Variants in FBXO3 observed in about 807,000 individuals in gnomAD.
FBXO3 encodes the protein F-box protein 3.
Under a neutral mutation model 64.8 loss-of-function variants are expected in FBXO3, and 17 were observed. The observed-to-expected ratio is 0.26, with a 90% CI of 0.18 to 0.39. The LOEUF (loss-of-function observed/expected upper bound fraction) is 0.39. Among genes scored for constraint, FBXO3 ranks in the 10% least tolerant of loss-of-function variants. The probability of loss-of-function intolerance (pLI) is 1.00; values close to 1 mark genes in which losing one functional copy is unlikely to be tolerated. For synonymous variants in FBXO3, 182 were observed against 201.6 expected, an observed-to-expected ratio of 0.90 and a Z score of 0.82; for missense variants, 420 against 589.9, an observed-to-expected ratio of 0.71 and a Z score of 2.98.
intron 10 of FBXO3, chr11:33,746,022 G>C (rs1590561086): frequency 1.3e-5 from 2 of 152,070 alleles, no homozygotes; most frequent in Non-Finnish European, 2.9e-5. Flanking sequence ...CATTTAGATG[G>C]AATGGACAAA....
chr11:33,763,011 ATGAAG>A (rs1406621271), intron 3 of FBXO3, among the ~76,000 whole-genome samples: 1 of 152,212 alleles, frequency 6.6e-6, no homozygotes, highest in Non-Finnish European at 1.5e-5. Flanking sequence ...TTGAAAATAG[ATGAAG>A]TGGACAATTT....
At chr11:33,770,704 G>C (rs1245972845) in intron 2 of FBXO3, 37 bp downstream of exon 2, 2 of 1,516,286 alleles carry the variant, frequency 1.3e-6, no homozygotes, top group South Asian at 2.3e-5. Context: ...GAAGCCAAGG[G>C]CCAGTTTTCA....
intron 6 of FBXO3, chr11:33,754,044 G>A (rs567512391): frequency 6.4e-6 from 1 of 155,204 alleles, no homozygotes; most frequent in South Asian, 2.0e-4. Flanking sequence ...GGTCTCTAAT[G>A]TGACTTAGTA....
intron 1 of FBXO3, 33 bp downstream of exon 1, chr11:33,774,361 C>A: frequency 2.6e-6 from 4 of 1,538,996 alleles, no homozygotes; most frequent in Non-Finnish European, 3.5e-6. Flanking sequence ...TCTCCCCATG[C>A]CCCCACCCCT....
chr11:33,769,985 GT>G (rs1417584353), intron 2 of FBXO3, among the ~76,000 whole-genome samples: 2 of 151,090 alleles, frequency 1.3e-5, no homozygotes, highest in Non-Finnish European at 2.9e-5. Context: ...CTATTCTCCT[GT>G]TTTAAGTCCA....
rs1854813677 is a variant in FBXO3 at position 33,746,416 on chromosome 11, A to G, written c.1239+714T>C. The G allele has an allele frequency of 2.3e-5, 9 of 397,666 alleles. No individual in the cohort carries two copies. The South Asian group carries it at 6.5e-4, about 29-fold the overall frequency. The allele number at this position is 397,666 out of a possible 1,614,324, so 24.6% of individuals were successfully genotyped here. A position where few individuals can be genotyped will look rare whatever the true frequency, so the allele number is the denominator to read the frequency against. On this transcript the variant is annotated intron_variant, in intron 10 of 10. Coordinates refer to ENST00000265651, the MANE Select transcript of FBXO3 (RefSeq NM_012175.4). ...TTCTCTTTTCAAACTGGAGTTGAAA[A>G]TGTGTCAGCTCTGGATCAGATTAAT...
intron 1 of FBXO3, chr11:33,773,139 G>A (rs1413282974): frequency 5.9e-5 from 9 of 152,140 alleles, no homozygotes. Context: ...AGCTTTCAAT[G>A]CCCCAGAAGT....
intron 10 of FBXO3, chr11:33,744,167 A>G (rs1854755554): frequency 6.6e-6 from 1 of 152,240 alleles, no homozygotes; most frequent in Admixed American, 6.5e-5. Flanking sequence ...TAGGAGGTCC[A>G]AAAGGTGGGA....
At chr11:33,772,091 G>A (rs1488014153) in intron 1 of FBXO3, 1 of 152,158 alleles carries the variant, frequency 6.6e-6, no homozygotes, top group Non-Finnish European at 1.5e-5. Context: ...AAATCACTCT[G>A]AAATGGAGAG....
At chr11:33,749,360 C>CTTTT (rs35452082) in intron 8 of FBXO3, among the ~76,000 whole-genome samples, 4 of 137,044 alleles carry the variant, frequency 2.9e-5, no homozygotes, top group Non-Finnish European at 3.1e-5. Flanking sequence ...TGGGATTACA[C>CTTTT]TTTTTTTTTT....
At chr11:33,742,568 A>C (rs949644440) in intron 10 of FBXO3, 2 of 152,582 alleles carry the variant, frequency 1.3e-5, no homozygotes, top group Non-Finnish European at 2.9e-5. Context: ...ACTTGTAACA[A>C]TCCAAGATAC....
chr11:33,767,002 G>GA (rs11417319), intron 3 of FBXO3, among the ~76,000 whole-genome samples: 41,680 of 141,778 alleles, frequency 0.29, 6,902 homozygotes, highest in African/African-American at 0.42. Context: ...AAAAAAAAAA[G>GA]AAAAAAAAAA....
chr11:33,755,012 T>C (rs1023956058), intron 5 of FBXO3, among the ~76,000 whole-genome samples: 1 of 151,902 alleles, frequency 6.6e-6, no homozygotes, highest in African/African-American at 2.4e-5. Context: ...GACTAAGGCA[T>C]GCGCCACCAC....
intron 10 of FBXO3, 104 bp downstream of exon 10, chr11:33,747,026 G>A: frequency 6.6e-7 from 1 of 1,521,672 alleles, no homozygotes; most frequent in Non-Finnish European, 8.7e-7. Context: ...AAATCTCTAG[G>A]GTTCTCTGGA....
intron 9 of FBXO3, among the ~76,000 whole-genome samples, chr11:33,747,546 C>G (rs1854845708): frequency 1.3e-5 from 2 of 148,212 alleles, no homozygotes. Flanking sequence ...GAGTCTTGCT[C>G]TGTTGCCCAC....
At chr11:33,758,429 T>TA in intron 4 of FBXO3, 58 bp downstream of exon 4, 1 of 1,294,144 alleles carries the variant, frequency 7.7e-7, no homozygotes, top group Non-Finnish European at 1.1e-6. Flanking sequence ...ATTTATTTAC[T>TA]TTCATTCTAA....
intron 3 of FBXO3, among the ~76,000 whole-genome samples, chr11:33,763,877 C>G (rs1855303283): frequency 6.6e-6 from 1 of 152,122 alleles, no homozygotes; most frequent in South Asian, 2.1e-4. Context: ...TTAAAACCAC[C>G]ACTATACACC....
chr11:33,760,438 T>C (rs1277896900), intron 3 of FBXO3, among the ~76,000 whole-genome samples: 1 of 151,480 alleles, frequency 6.6e-6, no homozygotes, highest in Non-Finnish European at 1.5e-5. Flanking sequence ...AGGCCAGGAG[T>C]TCGAGACCAG....
intron 3 of FBXO3, 46 bp downstream of exon 3, chr11:33,768,805 A>G: frequency 6.2e-7 from 1 of 1,607,108 alleles, no homozygotes; most frequent in Non-Finnish European, 8.5e-7. Flanking sequence ...ACCTATTTAT[A>G]CTAACAGTAA....
Sources: allele counts gnomAD v4.1 joint callset (sites outside exome capture counted in the v4.1 genomes callset), GRCh38; gene constraint gnomAD v4.1.1; transcripts MANE v1.5; gene names NCBI Gene and HGNC (gene_info 2026-07-23, HGNC 2026-07-21).